The following RHOT1 variants were observed in gnomAD, a reference collection of about 807,000 sequenced individuals.
The protein encoded by RHOT1 is ras homolog family member T1, also known as mitochondrial Rho GTPase 1.
In RHOT1, 27 loss-of-function variants were observed where a neutral mutation model predicts 95.3. The observed-to-expected ratio is 0.28, with a 90% CI of 0.21 to 0.39. The LOEUF (loss-of-function observed/expected upper bound fraction) is 0.39, where lower values mean the gene tolerates loss of function less well. RHOT1 is among the 10% of genes least tolerant of loss of function. RHOT1 has a pLI of 1.00. For synonymous variants in RHOT1, 227 were observed against 263.5 expected (o/e 0.86, Z 1.34); for missense variants, 578 against 786.7 (o/e 0.73, Z 3.17).
At chr17:32,207,152 A>G (rs372133718) in intron 17 of RHOT1, 123 bp downstream of exon 17, 1 of 879,490 alleles carries the variant, frequency 1.1e-6, no homozygotes. Context: ...AAATACATAC[A>G]TCTTTACCCT....
Position 32,174,398 on chromosome 17 carries a change from T to C in RHOT1, c.178+486T>C, listed in dbSNP as rs192109578. ...TGAAAACTATGTATGTGGCTTGCAT[T>C]ATCTGTATGTTGGACAGCACTGTAC... On this transcript the variant is annotated intron_variant, in intron 3 of 19. Transcript: ENST00000545287. Among the ~76,000 whole-genome samples the C allele has an allele frequency of 8.5e-5, 13 of 152,356 alleles. No individual in the cohort carries two copies. In the East Asian group the frequency reaches 2.5e-3, roughly 29 times the overall value.
chr17:32,169,208 A>G (rs2034366811), intron 1 of RHOT1, among the ~76,000 whole-genome samples: 1 of 152,196 alleles, frequency 6.6e-6, no homozygotes. Context: ...TAAGAAGGGA[A>G]TGTGACTTTT....
At chr17:32,223,715 A>G (rs1479124710) in intron 19 of RHOT1, among the ~76,000 whole-genome samples, 1 of 152,038 alleles carries the variant, frequency 6.6e-6, no homozygotes, top group East Asian at 1.9e-4. Flanking sequence ...CACCCGGCCA[A>G]TTTTTTAAGT....
chr17:32,176,194 A>G lies in RHOT1; in HGVS notation c.310A>G (p.Arg104Gly). The G allele has an allele frequency of 6.2e-7, 1 of 1,610,902 alleles. No homozygotes were observed. Among genetic ancestry groups the G allele is most frequent in the South Asian group, 1.1e-5 (1 of 90,418 alleles). Residue 104 changes from arginine to glycine, a missense_variant, in exon 6 of 20, where the codon AGA (arginine) becomes GGA (glycine). Physicochemically the swap from Arg to Gly is moderately radical, Grantham distance 125. Around this residue, in one of 4 missense-constraint regions of RHOT1, gnomAD observed 227 missense variants for 316.0 expected, o/e 0.72. Transcript: ENST00000545287. ...TCGATGGATTCCTCTCATAAATGAA[A>G]GAACAGACAAAGACAGCAGGTATTT... ...TSRWIPLINE[R>G]TDKDSRLPLI...
intron 19 of RHOT1, among the ~76,000 whole-genome samples, chr17:32,223,510 G>T (rs1052153772): frequency 1.3e-5 from 2 of 151,638 alleles, no homozygotes; most frequent in African/African-American, 4.8e-5. Context: ...CGTCTTCTAG[G>T]TTCAAGCAAT....
At chr17:32,147,001 C>T (rs2031457903) in intron 1 of RHOT1, among the ~76,000 whole-genome samples, 1 of 150,350 alleles carries the variant, frequency 6.7e-6, no homozygotes, top group African/African-American at 2.5e-5. Flanking sequence ...ACCTCGGCCT[C>T]CCAAATACTG....
At chr17:32,158,568 T>G (rs943529268) in intron 1 of RHOT1, among the ~76,000 whole-genome samples, 3 of 152,034 alleles carry the variant, frequency 2.0e-5, no homozygotes, top group African/African-American at 7.2e-5. Flanking sequence ...CAAACGATTC[T>G]CCTGCCGCAG....
Position 32,208,220 on chromosome 17 carries a change from A to C in RHOT1, c.1650A>C (p.Lys550Asn). Residue 550 changes from lysine (K) to asparagine (N), a missense_variant, in exon 18 of 20, where the codon AAA (lysine) becomes AAC (asparagine). Physicochemically the swap from Lys to Asn is moderately conservative, Grantham distance 94. Coordinates refer to ENST00000545287, the MANE Select transcript of RHOT1 (RefSeq NM_001033566.3). ...ISPTDFCRKH[K>N]MPPPQAFTCN... is the part of the protein sequence containing the mutation. ...CTACTGATTTCTGCAGGAAACACAA[A>C]ATGCCTCCACCACAAGCCTTCACTT... 6.2e-7 allele frequency: 1 copy of C among 1,614,096 alleles called. No homozygotes were observed. Among genetic ancestry groups the C allele is most frequent in the Admixed American group, 1.7e-5 (1 of 60,018 alleles).
intron 19 of RHOT1, among the ~76,000 whole-genome samples, chr17:32,220,645 GT>G (rs1218301682): frequency 6.6e-6 from 1 of 151,900 alleles, no homozygotes; most frequent in African/African-American, 2.4e-5. Flanking sequence ...GACCAGCCTG[GT>G]CAACATGGTG....
intron 1 of RHOT1, chr17:32,150,548 CT>C (rs2032158865): frequency 6.5e-7 from 1 of 1,547,092 alleles, no homozygotes; most frequent in East Asian, 2.2e-5. Context: ...GGAGATAGGC[CT>C]ACAGCTAGAC....
intron 1 of RHOT1, among the ~76,000 whole-genome samples, chr17:32,154,190 C>G (rs2032668367): frequency 6.6e-6 from 1 of 151,410 alleles, no homozygotes. Flanking sequence ...GCCTGTAACC[C>G]CAGCACTTGA....
chr17:32,193,412 G>A (rs867577877), intron 10 of RHOT1, among the ~76,000 whole-genome samples, 168 bp downstream of exon 10: 2 of 152,060 alleles, frequency 1.3e-5, no homozygotes, highest in Admixed American at 6.6e-5. Context: ...GGCCATTGTT[G>A]GGGATTATCA....
intron 8 of RHOT1, among the ~76,000 whole-genome samples, chr17:32,185,047 G>C (rs2035926804): frequency 6.6e-6 from 1 of 151,966 alleles, no homozygotes; most frequent in Non-Finnish European, 1.5e-5. Flanking sequence ...AACCTCTCAA[G>C]TAGCTGGGAC....
At chr17:32,217,774 A>G (rs1013392916) in intron 19 of RHOT1, among the ~76,000 whole-genome samples, 7 of 151,728 alleles carry the variant, frequency 4.6e-5, no homozygotes, top group Admixed American at 6.6e-5. Flanking sequence ...AAAGAAAGAA[A>G]GAAAATACTT....
chr17:32,200,413 G>C (rs1197734426), intron 13 of RHOT1, among the ~76,000 whole-genome samples: 1 of 152,060 alleles, frequency 6.6e-6, no homozygotes, highest in Non-Finnish European at 1.5e-5. Flanking sequence ...GGAGTAGAGA[G>C]AGGAATTACC....
At chr17:32,204,497 C>G (rs1230198055) in intron 16 of RHOT1, among the ~76,000 whole-genome samples, 1 of 145,526 alleles carries the variant, frequency 6.9e-6, no homozygotes, top group African/African-American at 2.6e-5. Context: ...TTGTGGTGAG[C>G]CAAGATAATG....
chr17:32,203,418 G>A (rs1407423631), intron 15 of RHOT1, among the ~76,000 whole-genome samples: 3 of 151,788 alleles, frequency 2.0e-5, no homozygotes, highest in South Asian at 4.2e-4. Flanking sequence ...TGGGACCACA[G>A]GCGTGAACCA....
chr17:32,185,176 TC>T (rs2035941670), intron 8 of RHOT1, among the ~76,000 whole-genome samples: 1 of 152,184 alleles, frequency 6.6e-6, no homozygotes, highest in East Asian at 1.9e-4. Flanking sequence ...AATGGTGCGA[TC>T]TCTGTGCACC....
intron 19 of RHOT1, among the ~76,000 whole-genome samples, chr17:32,223,131 T>C (rs1846109340): frequency 6.6e-6 from 1 of 152,204 alleles, no homozygotes; most frequent in Admixed American, 6.6e-5. Flanking sequence ...TGTTGTGTCT[T>C]GCTTTGTTGT....
Sources: allele counts gnomAD v4.1 joint callset (sites outside exome capture counted in the v4.1 genomes callset), GRCh38; gene constraint gnomAD v4.1.1; regional missense constraint gnomAD v4.1.1; transcripts MANE v1.5; gene names NCBI Gene and HGNC (gene_info 2026-07-23, HGNC 2026-07-21).